Variants in MDGA2 observed in about 807,000 individuals in gnomAD.
MDGA2 encodes MAM domain containing glycosylphosphatidylinositol anchor 2.
MDGA2 carries 40 observed loss-of-function variants against 117.8 expected under a neutral mutation model. The ratio of observed to expected loss-of-function variants is 0.34; its 90% CI spans 0.26 to 0.44. The LOEUF (loss-of-function observed/expected upper bound fraction) is 0.44. Among genes scored for constraint, MDGA2 ranks in the 20% least tolerant of loss-of-function variants. MDGA2 has a pLI of 1.00. For synonymous variants in MDGA2, 452 were observed against 439.0 expected, an observed-to-expected ratio of 1.03 and a Z score of -0.37; for missense variants, 1,123 against 1,250.6, an observed-to-expected ratio of 0.90 and a Z score of 1.54.
Position 46,874,212 on chromosome 14 carries a change from T to A in MDGA2, c.2438-12A>T. The A allele has an allele frequency of 2.2e-6, 3 of 1,341,724 alleles. No homozygotes were observed. Among genetic ancestry groups the A allele is most frequent in the Non-Finnish European group, 2.0e-6 (2 of 1,017,504 alleles). 83.1% of individuals were successfully genotyped at this position (1,341,724 alleles called of 1,614,324 possible). A position where few individuals can be genotyped will look rare whatever the true frequency, so the allele number is the denominator to read the frequency against. ...ACAATGAAATTCTCCTGTTGGTAAA[T>A]TTTAATTAAATTAATATTAATTAAA... On this transcript the variant is annotated splice_polypyrimidine_tract_variant and intron_variant, in intron 12 of 16. Transcript: ENST00000399232.
intron 8 of MDGA2, among the ~76,000 whole-genome samples, chr14:46,971,865 A>G (rs1566553095): frequency 1.3e-5 from 2 of 152,146 alleles, no homozygotes; most frequent in African/African-American, 4.8e-5. Flanking sequence ...GTACCTCATA[A>G]ATATGTAAAA....
chr14:47,531,035 G>A (rs992122776), intron 1 of MDGA2, among the ~76,000 whole-genome samples: 3 of 152,066 alleles, frequency 2.0e-5, no homozygotes, highest in Non-Finnish European at 2.9e-5. Flanking sequence ...CACAAGGTCA[G>A]GAGATTGAGA....
chr14:47,267,469 T>C (rs920300200), intron 2 of MDGA2, among the ~76,000 whole-genome samples: 2 of 152,162 alleles, frequency 1.3e-5, no homozygotes, highest in Non-Finnish European at 2.9e-5. Flanking sequence ...TTTTTAATTG[T>C]TATTTATGTC....
intron 1 of MDGA2, among the ~76,000 whole-genome samples, chr14:47,540,554 GTA>G (rs1434471568): frequency 9.7e-6 from 1 of 103,494 alleles, no homozygotes; most frequent in Non-Finnish European, 1.9e-5. Context: ...ATATATATAT[GTA>G]TATATATACA....
chr14:47,164,549 G>C (rs578200507), intron 3 of MDGA2, among the ~76,000 whole-genome samples: 51 of 152,256 alleles, frequency 3.3e-4, no homozygotes, highest in African/African-American at 1.2e-3. Flanking sequence ...AAACCACAAT[G>C]AGATACCATC....
At chr14:47,036,746 A>T (rs1240898264) in intron 7 of MDGA2, among the ~76,000 whole-genome samples, 1 of 152,254 alleles carries the variant, frequency 6.6e-6, no homozygotes, top group East Asian at 1.9e-4. Context: ...AATTATGTTT[A>T]AAATTATTTT....
At chr14:46,917,919 T>A (rs1407982880) in intron 10 of MDGA2, among the ~76,000 whole-genome samples, 1 of 152,106 alleles carries the variant, frequency 6.6e-6, no homozygotes, top group Non-Finnish European at 1.5e-5. Context: ...GGATCTCTCT[T>A]GGGAGGAATT....
intron 5 of MDGA2, among the ~76,000 whole-genome samples, chr14:47,120,647 G>C (rs1257297532): frequency 1.3e-5 from 2 of 152,128 alleles, no homozygotes; most frequent in African/African-American, 4.8e-5. Flanking sequence ...TTACTGTGAT[G>C]CTTTGGAAAT....
intron 8 of MDGA2, among the ~76,000 whole-genome samples, chr14:46,959,760 C>T (rs1053754579): frequency 6.6e-6 from 1 of 151,986 alleles, no homozygotes; most frequent in Admixed American, 6.6e-5. Context: ...TCTACTACTC[C>T]GATTGTCTCA....
chr14:47,044,706 A>G (rs549962853), intron 7 of MDGA2, among the ~76,000 whole-genome samples: 5 of 152,204 alleles, frequency 3.3e-5, no homozygotes, highest in Non-Finnish European at 7.3e-5. Flanking sequence ...ACTAAACAGG[A>G]TTGACAATGT....
chr14:47,293,533 T>C (rs1024380808), intron 2 of MDGA2, among the ~76,000 whole-genome samples: 1 of 152,220 alleles, frequency 6.6e-6, no homozygotes, highest in Non-Finnish European at 1.5e-5. Context: ...TAAATGTAAG[T>C]ATATAGTGAT....
chr14:47,551,809 C>A (rs1895587319), intron 1 of MDGA2, among the ~76,000 whole-genome samples: 1 of 151,862 alleles, frequency 6.6e-6, no homozygotes, highest in East Asian at 1.9e-4. Flanking sequence ...TCATGTAATA[C>A]TTACGAGGTA....
chr14:47,354,076 T>C (rs1252391398), intron 1 of MDGA2, among the ~76,000 whole-genome samples: 3 of 152,136 alleles, frequency 2.0e-5, no homozygotes, highest in East Asian at 1.9e-4. Context: ...TCAATAGATA[T>C]AGAAAAAGCA....
At chr14:47,166,255 T>C (rs955918612) in intron 3 of MDGA2, among the ~76,000 whole-genome samples, 3 of 152,078 alleles carry the variant, frequency 2.0e-5, no homozygotes, top group African/African-American at 7.2e-5. Context: ...AGGATGGTAT[T>C]GATCTCTAGA....
intron 1 of MDGA2, among the ~76,000 whole-genome samples, chr14:47,374,647 T>C (rs1891435595): frequency 6.6e-6 from 1 of 152,100 alleles, no homozygotes; most frequent in Non-Finnish European, 1.5e-5. Context: ...TCAAATTCTG[T>C]GACAGATCAA....
At chr14:47,605,028 C>T (rs537938724) in intron 1 of MDGA2, among the ~76,000 whole-genome samples, 93 of 152,044 alleles carry the variant, frequency 6.1e-4, no homozygotes, top group African/African-American at 2.1e-3. Context: ...ATGCTGTGAA[C>T]GCATGCATAA....
At chr14:47,611,655 A>C (rs1224978073) in intron 1 of MDGA2, among the ~76,000 whole-genome samples, 1 of 152,190 alleles carries the variant, frequency 6.6e-6, no homozygotes, top group Non-Finnish European at 1.5e-5. Context: ...CCACAATGTG[A>C]TATCACTTTA....
chr14:47,382,655 T>C (rs996911713), intron 1 of MDGA2, among the ~76,000 whole-genome samples: 6 of 152,150 alleles, frequency 3.9e-5, no homozygotes, highest in African/African-American at 1.2e-4. Flanking sequence ...CACAATGAGA[T>C]ACCATCTCAC....
At chr14:47,619,982 C>A (rs1470138904) in intron 1 of MDGA2, among the ~76,000 whole-genome samples, 1 of 152,204 alleles carries the variant, frequency 6.6e-6, no homozygotes, top group Non-Finnish European at 1.5e-5. Flanking sequence ...CTTTCCTTCA[C>A]ATCTTGGCCA....
Sources: allele counts gnomAD v4.1 joint callset (sites outside exome capture counted in the v4.1 genomes callset), GRCh38; gene constraint gnomAD v4.1.1; transcripts MANE v1.5; gene names NCBI Gene and HGNC (gene_info 2026-07-23, HGNC 2026-07-21).